The following NOL10 variants were observed in gnomAD, a reference collection of about 807,000 sequenced individuals.
NOL10 encodes H_NH0074G24.1.
Under a neutral mutation model 103.5 loss-of-function variants are expected in NOL10, and 58 were observed. The observed-to-expected ratio is 0.56, with a 90% CI of 0.45 to 0.70. NOL10 has a LOEUF of 0.70. Ranked by LOEUF, NOL10 falls within the 30% of genes least tolerant of loss-of-function variation. NOL10 has a pLI of 0.00. For synonymous variants in NOL10, 287 were observed against 282.5 expected (o/e 1.02, Z -0.16); for missense variants, 763 against 807.3 (o/e 0.95, Z 0.67).
intron 12 of NOL10, among the ~76,000 whole-genome samples, chr2:10,652,324 C>G (rs935371649): frequency 7.3e-5 from 11 of 151,540 alleles, no homozygotes; most frequent in African/African-American, 2.4e-4. Flanking sequence ...GAGGCTCTGC[C>G]ACACACCAGC....
chr2:10,683,846 T>C (rs1298455516), intron 2 of NOL10, among the ~76,000 whole-genome samples: 2 of 152,196 alleles, frequency 1.3e-5, no homozygotes, highest in Non-Finnish European at 1.5e-5. Flanking sequence ...AGTAATAACA[T>C]CTGCATTTCT....
intron 17 of NOL10, among the ~76,000 whole-genome samples, chr2:10,593,342 T>C (rs949462429): frequency 1.6e-4 from 24 of 152,120 alleles, no homozygotes; most frequent in African/African-American, 5.6e-4. Context: ...GTTTCACCAG[T>C]TGGTCAGGCT....
intron 17 of NOL10, 56 bp downstream of exon 17, chr2:10,600,797 T>C (rs1374375873): frequency 1.8e-6 from 2 of 1,108,668 alleles, no homozygotes; most frequent in Non-Finnish European, 2.6e-6. Context: ...ATAAAAAAGA[T>C]GTAAGTTACT....
chr2:10,587,252 TATATACAC>T lies in NOL10; in HGVS notation c.1844+1783_1844+1790del, dbSNP rs1368177862. Among the ~76,000 whole-genome samples, 13 of 42,764 alleles carry T rather than the reference TATATACAC, an allele frequency of 3.0e-4. 1 individual carries two copies. The highest frequency in any genetic ancestry group is 1.4e-3 in the African/African-American group (13 of 9,552). 28.1% of individuals were successfully genotyped at this position (42,764 alleles called of 152,430 possible). A position where few individuals can be genotyped will look rare whatever the true frequency, so the allele number is the denominator to read the frequency against. ...ACATATATATATACATACATATATA[TATATACAC>T]ATATATATATATATATTTTTTTTTT... is the stretch of plus-strand genomic sequence containing the variant. On this transcript the variant is annotated intron_variant, in intron 19 of 20. Transcript: ENST00000381685.
At chr2:10,652,624 C>T (rs1208206737) in intron 12 of NOL10, among the ~76,000 whole-genome samples, 4 of 152,258 alleles carry the variant, frequency 2.6e-5, no homozygotes, top group South Asian at 4.2e-4. Context: ...CTGGCACTGT[C>T]GTTCTGTCCA....
chr2:10,606,286 T>C (rs1169051781), intron 14 of NOL10, among the ~76,000 whole-genome samples: 3 of 151,520 alleles, frequency 2.0e-5, no homozygotes, highest in East Asian at 3.9e-4. Flanking sequence ...ACCCAATCCA[T>C]AGGGATGTGA....
rs1257693424 is a variant in NOL10 at position 10,577,757 on chromosome 2, A to G, written c.1845-19T>C. The G allele has an allele frequency of 6.8e-7, 1 of 1,470,476 alleles. No individual in the cohort carries two copies. The allele number at this position is 1,470,476 out of a possible 1,614,324, so 91.1% of individuals were successfully genotyped here. A position where few individuals can be genotyped will look rare whatever the true frequency, so the allele number is the denominator to read the frequency against. The stretch of plus-strand genomic sequence containing the variant: ...GGTTTTGCTATGGGAAATTCAAAAG[A>G]ATGCCACATTAATCAAAATTATGTT... On this transcript the variant is annotated intron_variant, in intron 19 of 20. Transcript: ENST00000381685.
intron 13 of NOL10, among the ~76,000 whole-genome samples, chr2:10,613,428 A>G (rs28583661): frequency 0.017 from 2,526 of 152,346 alleles, 71 homozygotes; most frequent in African/African-American, 0.058. Context: ...GAAATTTTTA[A>G]AAGGTTCTAG....
Position 10,675,885 on chromosome 2 carries a change from A to G in NOL10, c.212-14T>C, listed in dbSNP as rs770418923. 5.4e-6 allele frequency: 8 copies of G among 1,469,834 alleles called. No individual in the cohort carries two copies. In the South Asian group the frequency reaches 8.7e-5, roughly 16 times the overall value. The allele number at this position is 1,469,834 out of a possible 1,614,324, so 91.0% of individuals were successfully genotyped here. A position where few individuals can be genotyped will look rare whatever the true frequency, so the allele number is the denominator to read the frequency against. On this transcript the variant is annotated splice_polypyrimidine_tract_variant and intron_variant, in intron 3 of 20. Coordinates refer to ENST00000381685, the MANE Select transcript of NOL10 (RefSeq NM_024894.4). ...GTTTATATGTTCCTACAAAAAATTA[A>G]TGTGATGTAAAACCTAAAGACATAC...
intron 3 of NOL10, among the ~76,000 whole-genome samples, chr2:10,681,049 A>G (rs1572442144): frequency 6.6e-6 from 1 of 152,360 alleles, no homozygotes; most frequent in East Asian, 1.9e-4. Context: ...GGAACGACTT[A>G]GAAGTTTCCC....
chr2:10,631,714 CCT>C (rs938294441), intron 13 of NOL10, among the ~76,000 whole-genome samples: 4 of 134,734 alleles, frequency 3.0e-5, no homozygotes, highest in Non-Finnish European at 6.0e-5. Context: ...CCATGTTCTC[CCT>C]GTTTTTTTTT....
intron 19 of NOL10, 139 bp downstream of exon 19, chr2:10,588,904 C>T: frequency 7.7e-7 from 1 of 1,301,456 alleles, no homozygotes; most frequent in Non-Finnish European, 1.1e-6. Flanking sequence ...GGCCTTACCT[C>T]CCCTGCTTCC....
chr2:10,661,613 C>A (rs779573161), intron 9 of NOL10, among the ~76,000 whole-genome samples: 1 of 152,110 alleles, frequency 6.6e-6, no homozygotes, highest in African/African-American at 2.4e-5. Context: ...TCAAGTGATC[C>A]TCCAGCTTCG....
chr2:10,684,608 A>G lies in NOL10; in HGVS notation c.71T>C (p.Leu24Pro), dbSNP rs1682022666. 6.4e-7 allele frequency: 1 copy of G among 1,565,686 alleles called. No homozygotes were observed. The highest frequency in any genetic ancestry group is 8.7e-7 in the Non-Finnish European group (1 of 1,154,128). ...LSCGKSLPEW[L>P]SDRKKRALQK... ...TAGCGCTCTCTTCTTCCTATCAGAA[A>G]GCCACTTAAAGAAAATGAAGAGAGT... The change falls in exon 2 of 21, where the codon CTT becomes CCT. Residue 24 changes from leucine to proline, a missense_variant. Leu to Pro is a moderately conservative substitution (Grantham distance 98, BLOSUM62 -3). Coordinates refer to ENST00000381685, the MANE Select transcript of NOL10 (RefSeq NM_024894.4).
rs568247863 is a variant in NOL10, at chr2:10,579,179, T to C, written c.1845-1441A>G. On this transcript the variant is annotated intron_variant, in intron 19 of 20. Transcript: ENST00000381685. The stretch of plus-strand genomic sequence containing the variant: ...TAGTAATGTACTAAACATACCTTCT[T>C]TATATAATTTGAGACATAAAGTGGT... Among the ~76,000 whole-genome samples the C allele has an allele frequency of 5.0e-4, 76 of 152,372 alleles. 1 individual carries two copies. The highest frequency in any genetic ancestry group is 1.8e-3 in the African/African-American group (73 of 41,584).
intron 13 of NOL10, among the ~76,000 whole-genome samples, chr2:10,608,014 C>T (rs892228524): frequency 1.3e-5 from 2 of 152,114 alleles, no homozygotes; most frequent in African/African-American, 2.4e-5. Flanking sequence ...TCTTGAAAAT[C>T]GCTAAGAGAG....
intron 13 of NOL10, among the ~76,000 whole-genome samples, chr2:10,630,928 G>A (rs888812110): frequency 3.9e-5 from 6 of 152,150 alleles, no homozygotes; most frequent in Non-Finnish European, 8.8e-5. Context: ...TCGTTTGTAT[G>A]CTGATAAATT....
chr2:10,610,520 G>A (rs1218924893), intron 13 of NOL10, among the ~76,000 whole-genome samples: 1 of 152,144 alleles, frequency 6.6e-6, no homozygotes, highest in Non-Finnish European at 1.5e-5. Context: ...CATTTCCTGA[G>A]TTCCTTTTCA....
intron 6 of NOL10, 76 bp from the exon 7 acceptor site, chr2:10,668,799 T>C (rs1470102423): frequency 2.2e-5 from 12 of 544,718 alleles, no homozygotes; most frequent in Admixed American, 6.9e-5. Flanking sequence ...TTTATAAATA[T>C]ATATATTACT....
Sources: gnomAD v4.1 joint callset for allele counts (sites outside exome capture counted in the v4.1 genomes callset) on GRCh38, gnomAD v4.1.1 for gene constraint, MANE v1.5 for transcripts, NCBI Gene and HGNC (gene_info 2026-07-23, HGNC 2026-07-21) for gene names.